The following CR2 variants were observed in gnomAD, a reference collection of about 807,000 sequenced individuals.
CR2 encodes complement receptor type 2.
In CR2, 96 loss-of-function variants were observed where a neutral mutation model predicts 123.0. That is an observed-to-expected ratio of 0.78 (90% confidence interval 0.66 to 0.93). The LOEUF (loss-of-function observed/expected upper bound fraction) is 0.93. CR2 is among the 40% of genes least tolerant of loss of function. The pLI, the probability that CR2 is intolerant of heterozygous loss-of-function variation, is 0.00. For missense variants in CR2, 1,258 were observed against 1,361.0 expected (o/e 0.92, Z 1.19); for synonymous variants, 484 against 469.5 (o/e 1.03, Z -0.40).
In CR2 at chr1:207,471,305, A is replaced by G. The variant is rs1658272731; in HGVS notation, c.1494-118A>G. On this transcript the variant is annotated intron_variant, in intron 8 of 19. Transcript: ENST00000367057. ...TGAGAAGTTGGTGCTGATGTTGGCT[A>G]CATTTTTGTTGCTATTGCTTCTTGG... is the stretch of plus-strand genomic sequence containing the variant. 6 of 935,592 alleles carry G rather than the reference A, an allele frequency of 6.4e-6. No individual in the cohort carries two copies. The South Asian group carries it at 6.5e-5, about 10-fold the overall frequency. The allele number at this position is 935,592 out of a possible 1,614,324, so 58.0% of individuals were successfully genotyped here.
At chr1:207,476,633 G>A (rs749824390) in intron 15 of CR2, among the ~76,000 whole-genome samples, 8 of 152,232 alleles carry the variant, frequency 5.3e-5, no homozygotes, top group Middle Eastern at 3.4e-3. Context: ...CACTTATGTA[G>A]TCATTTACAC....
intron 19 of CR2, among the ~76,000 whole-genome samples, chr1:207,487,284 A>AT (rs1327492341): frequency 6.6e-6 from 1 of 152,044 alleles, no homozygotes; most frequent in East Asian, 1.9e-4. Flanking sequence ...CAGTAGCACA[A>AT]TTTTTTTGCT....
chr1:207,455,748 T>G (rs527720462), intron 1 of CR2, among the ~76,000 whole-genome samples: 1 of 152,346 alleles, frequency 6.6e-6, no homozygotes, highest in East Asian at 1.9e-4. Flanking sequence ...TCTCACCTAT[T>G]TCTAAATTTC....
rs36116544 is a variant in CR2 at position 207,478,525 on chromosome 1, CAAAAAAAAA to C, written c.3088+469_3088+477del. Among the ~76,000 whole-genome samples, 248 of 58,742 alleles carry C rather than the reference CAAAAAAAAA, an allele frequency of 4.2e-3. 1 individual carries two copies. Among genetic ancestry groups the C allele is most frequent in the African/African-American group, 0.013 (226 of 17,038 alleles). The allele number at this position is 58,742 out of a possible 152,430, so 38.5% of individuals were successfully genotyped here. Reference sequence around the variant, plus strand: ...CCTGGGCAACAGAGTAAGACCCTATCAAAAAAAAAAAAAAAAAAAAAAGAAAGAAAGAAA... The same window carrying C: ...CCTGGGCAACAGAGTAAGACCCTATCAAAAAAAAAAAAAGAAAGAAAGAAA... On this transcript the variant is annotated intron_variant, in intron 16 of 19. Transcript: ENST00000367057.
chr1:207,473,548 G>A lies in CR2; in HGVS notation c.1982G>A (p.Cys661Tyr), dbSNP rs766003076. The A allele has an allele frequency of 1.9e-6, 3 of 1,613,552 alleles. No homozygotes were observed. Among genetic ancestry groups the A allele is most frequent in the Non-Finnish European group, 2.5e-6 (3 of 1,179,566 alleles). ...DPEIPVCEKG[C>Y]QSPPGLHHGR... ...TGTAGGGAGTTTTTCTCTTCAGGCT[G>A]CCAGTCACCTCCTGGGCTCCACCAT... Residue 661 changes from cysteine (C) to tyrosine (Y), a missense_variant, in exon 11 of 20, where the codon TGC becomes TAC. Transcript: ENST00000367057.
chr1:207,466,856 T>C lies in CR2; in HGVS notation c.389T>C (p.Val130Ala), dbSNP rs543886209. ...TNFSMNGNKSVWCQANNMWGP... is the reference protein window; with the variant it reads ...TNFSMNGNKSAWCQANNMWGP... ...TTCTCCATGAACGGAAACAAGTCTG[T>C]TTGGTGTCAAGCAAATAATATGTGG... The change falls in exon 2 of 20, where the codon GTT becomes GCT. Residue 130 changes from valine to alanine, a missense_variant. By Grantham distance (64) the Val-to-Ala change is moderately conservative (BLOSUM62 0). Transcript: ENST00000367057. 1.2e-4 allele frequency: 190 copies of C among 1,611,190 alleles called. 4 individuals carry two copies. In the South Asian group the frequency reaches 1.9e-3, roughly 16 times the overall value.
At chr1:207,478,156 G>T (rs954282489) in intron 16 of CR2, 86 bp downstream of exon 16, 5 of 1,368,356 alleles carry the variant, frequency 3.7e-6, no homozygotes, top group African/African-American at 1.4e-5. Context: ...AGAGTCCTGG[G>T]TTTTAAATTG....
intron 2 of CR2, 172 bp from the exon 3 acceptor site, chr1:207,468,355 T>A (rs1349493464): frequency 4.6e-6 from 3 of 650,210 alleles, no homozygotes; most frequent in East Asian, 2.8e-5. Flanking sequence ...TTTTTTGCAA[T>A]TTTTTTAGCT....
At position 207,466,634 on chromosome 1, in the gene CR2, G is replaced by A. The variant is rs749471642; in HGVS notation, c.167G>A (p.Arg56His). The change falls in exon 2 of 20, where the codon CGC becomes CAC. Residue 56 changes from arginine (R) to histidine (H), a missense_variant. By Grantham distance (29) the Arg-to-His change is conservative. Coordinates refer to ENST00000367057, the MANE Select transcript of CR2 (RefSeq NM_001006658.3). Reference protein sequence around the residue: ...VIRYSCSGTFRLIGEKSLLCI... With the variant: ...VIRYSCSGTFHLIGEKSLLCI... ...AGGTACAGTTGTTCAGGTACCTTCC[G>A]CCTCATTGGAGAAAAAAGTCTATTA... 18 of 1,614,000 alleles carry A rather than the reference G, an allele frequency of 1.1e-5. No individual in the cohort carries two copies. Among genetic ancestry groups the A allele is most frequent in the South Asian group, 1.1e-4 (10 of 91,070 alleles).
chr1:207,474,203 T>A, intron 12 of CR2, 38 bp from the exon 13 acceptor site: 1 of 1,465,708 alleles, frequency 6.8e-7, no homozygotes, highest in Non-Finnish European at 9.6e-7. Context: ...GATATGATAT[T>A]GGGAACAGGA....
chr1:207,459,093 A>G (rs186685035), intron 1 of CR2, among the ~76,000 whole-genome samples: 3 of 152,236 alleles, frequency 2.0e-5, no homozygotes, highest in Non-Finnish European at 2.9e-5. Flanking sequence ...TGAGGATTAC[A>G]TAATTGTTTT....
In CR2 at chr1:207,454,553, G is replaced by A. The variant is rs889619665; in HGVS notation, c.58+77G>A. On this transcript the variant is annotated intron_variant, in intron 1 of 19. Coordinates refer to ENST00000367057, the MANE Select transcript of CR2 (RefSeq NM_001006658.3). This position sits in a 1 kb window ranked among gnomAD's most constrained non-coding sequence, Gnocchi z 4.3. ...GTTTCTGTGCCGCGATGCAAAGCAG[G>A]GGGCCAAAAGCGAGACGGTGGGGGC... 8.5e-7 allele frequency: 1 copy of A among 1,177,504 alleles called. No individual in the cohort carries two copies. The highest frequency in any genetic ancestry group is 1.2e-6 in the Non-Finnish European group (1 of 852,028). 72.9% of individuals were successfully genotyped at this position (1,177,504 alleles called of 1,614,324 possible).
chr1:207,463,542 C>A (rs905107875), intron 1 of CR2, among the ~76,000 whole-genome samples: 5 of 152,078 alleles, frequency 3.3e-5, no homozygotes, highest in African/African-American at 1.2e-4. Context: ...GTCACCCCTG[C>A]TTGTCATAAA....
At chr1:207,468,342 T>A (rs943744257) in intron 2 of CR2, 185 bp from the exon 3 acceptor site, 6 of 623,400 alleles carry the variant, frequency 9.6e-6, no homozygotes, top group Non-Finnish European at 1.7e-5. Flanking sequence ...ATTATGAGAT[T>A]TTTTTTTTGC....
chr1:207,476,983 T>C (rs1658458247), intron 15 of CR2, among the ~76,000 whole-genome samples: 1 of 152,220 alleles, frequency 6.6e-6, no homozygotes, highest in Non-Finnish European at 1.5e-5. Flanking sequence ...ATGAGGTTGG[T>C]GCCATGATTA....
chr1:207,461,438 T>C (rs186985532), intron 1 of CR2, among the ~76,000 whole-genome samples: 2 of 152,344 alleles, frequency 1.3e-5, no homozygotes, highest in East Asian at 3.9e-4. Flanking sequence ...TTTCTGTGTA[T>C]ATTCACCCTT....
intron 15 of CR2, among the ~76,000 whole-genome samples, chr1:207,476,798 A>T (rs1572960743): frequency 6.6e-6 from 1 of 152,240 alleles, no homozygotes; most frequent in East Asian, 1.9e-4. Context: ...TGGTGGGATT[A>T]TGGGTACATT....
chr1:207,471,248 T>C (rs549973713), intron 8 of CR2, among the ~76,000 whole-genome samples, 161 bp downstream of exon 8: 8 of 152,324 alleles, frequency 5.3e-5, no homozygotes, highest in African/African-American at 1.9e-4. Context: ...TATCATACTA[T>C]TTTTCCATGC....
At chr1:207,471,580 T>C in intron 9 of CR2, 81 bp downstream of exon 9, 2 of 968,028 alleles carry the variant, frequency 2.1e-6, no homozygotes, top group South Asian at 2.6e-5. Context: ...TGGGACATGT[T>C]ATGAGAATTA....
Sources: gnomAD v4.1 joint callset for allele counts (sites outside exome capture counted in the v4.1 genomes callset) on GRCh38, gnomAD v4.1.1 for gene constraint, Gnocchi (gnomAD v3.1) non-coding constraint, MANE v1.5 for transcripts, NCBI Gene and HGNC (gene_info 2026-07-23, HGNC 2026-07-21) for gene names.